The following DAAM1 variants were observed in gnomAD, a reference collection of about 807,000 sequenced individuals.
DAAM1 encodes the protein dishevelled associated activator of morphogenesis 1.
A neutral mutation model predicts 130.0 loss-of-function variants in DAAM1; 52 were observed. The observed-to-expected ratio is 0.40, with a 90% CI of 0.32 to 0.50. The LOEUF (loss-of-function observed/expected upper bound fraction) is 0.50. DAAM1 is among the 20% of genes least tolerant of loss of function. The probability of loss-of-function intolerance (pLI) is 0.61; values close to 1 mark genes in which losing one functional copy is unlikely to be tolerated. For missense variants in DAAM1, 1,134 were observed against 1,303.8 expected (o/e 0.87, Z 2.01); for synonymous variants, 452 against 444.5 (o/e 1.02, Z -0.21).
At chr14:59,282,574 A>AT (rs1426003023) in intron 2 of DAAM1, among the ~76,000 whole-genome samples, 2 of 152,092 alleles carry the variant, frequency 1.3e-5, no homozygotes, top group Non-Finnish European at 2.9e-5. Flanking sequence ...CAGTGTCGTG[A>AT]TTTTGCCTAC....
chr14:59,346,899 G>T (rs1208710544), intron 16 of DAAM1, among the ~76,000 whole-genome samples: 1 of 152,044 alleles, frequency 6.6e-6, no homozygotes, highest in Admixed American at 6.6e-5. Flanking sequence ...ACATTAACTA[G>T]ATAAGGAATA....
At position 59,244,800 on chromosome 14, in the gene DAAM1, A is replaced by G. The variant is rs144045284; in HGVS notation, c.-37-18641A>G. Among the ~76,000 whole-genome samples, 5 of 152,328 alleles carry G rather than the reference A, an allele frequency of 3.3e-5. No individual in the cohort carries two copies. In the East Asian group the frequency reaches 9.6e-4, roughly 29 times the overall value. Reference sequence around the variant, plus strand: ...TTGCTTTTCCAGTATGAGCAAGTGCAGTTGTTAACAGCATGTTTTTCCACA... The same window carrying G: ...TTGCTTTTCCAGTATGAGCAAGTGCGGTTGTTAACAGCATGTTTTTCCACA... On this transcript the variant is annotated intron_variant, in intron 1 of 24. Coordinates refer to ENST00000360909, the MANE Select transcript of DAAM1 (RefSeq NM_001270520.2).
intron 1 of DAAM1, among the ~76,000 whole-genome samples, chr14:59,190,396 G>A (rs1452278906): frequency 6.6e-6 from 1 of 152,160 alleles, no homozygotes; most frequent in Non-Finnish European, 1.5e-5. Context: ...AGTTTATGGT[G>A]TTGGAGGCAG....
At chr14:59,272,224 GA>G in intron 2 of DAAM1, among the ~76,000 whole-genome samples, 1 of 152,276 alleles carries the variant, frequency 6.6e-6, no homozygotes, top group Admixed American at 6.5e-5. Flanking sequence ...CTTAAAAAGA[GA>G]AAAGTTTTGT....
intron 4 of DAAM1, among the ~76,000 whole-genome samples, chr14:59,316,426 T>A (rs1243334875): frequency 1.3e-5 from 2 of 152,208 alleles, no homozygotes; most frequent in Non-Finnish European, 2.9e-5. Context: ...CTTTTTTAGC[T>A]TTTTTCTTAC....
rs1887156538 is a variant in DAAM1 at position 59,371,144 on chromosome 14, G to T, written c.*2285G>T. 1 of 150,684 alleles carries T rather than the reference G, an allele frequency of 6.6e-6. No individual in the cohort carries two copies. The highest frequency in any genetic ancestry group is 2.4e-5 in the African/African-American group (1 of 41,202). 9.3% of individuals were successfully genotyped at this position (150,684 alleles called of 1,614,324 possible). A position where few individuals can be genotyped will look rare whatever the true frequency, so the allele number is the denominator to read the frequency against. On this transcript the variant is annotated 3_prime_UTR_variant, in exon 25 of 25. Coordinates refer to ENST00000360909, the MANE Select transcript of DAAM1 (RefSeq NM_001270520.2). ...ACCTACTTTTTAGATTGGTGCTGGT[G>T]TAAGTAGCCACTTTTCTCTCTTGGG...
chr14:59,296,482 A>C (rs776639323), intron 3 of DAAM1, among the ~76,000 whole-genome samples: 12 of 152,218 alleles, frequency 7.9e-5, no homozygotes, highest in Non-Finnish European at 1.8e-4. Flanking sequence ...TAAAAAAATA[A>C]GCCAAATTTC....
chr14:59,340,035 C>G, intron 15 of DAAM1, 39 bp from the exon 16 acceptor site: 1 of 1,573,896 alleles, frequency 6.4e-7, no homozygotes, highest in Non-Finnish European at 8.7e-7. Context: ...CTGAATGTCC[C>G]TGTTGGACTT....
chr14:59,307,020 C>A (rs2139592764), intron 3 of DAAM1, among the ~76,000 whole-genome samples: 1 of 152,242 alleles, frequency 6.6e-6, no homozygotes, highest in Non-Finnish European at 1.5e-5. Context: ...TGCAGTGTGG[C>A]CTCTGCATTA....
chr14:59,231,321 A>G (rs1467458786), intron 1 of DAAM1, among the ~76,000 whole-genome samples: 2 of 152,164 alleles, frequency 1.3e-5, no homozygotes, highest in East Asian at 3.9e-4. Flanking sequence ...AGCACAAGAA[A>G]TATTTTACTT....
intron 1 of DAAM1, among the ~76,000 whole-genome samples, chr14:59,213,815 T>A (rs1888499471): frequency 6.6e-6 from 1 of 152,172 alleles, no homozygotes. Context: ...AGTTTATTTT[T>A]CTCCCAGAGC....
intron 16 of DAAM1, among the ~76,000 whole-genome samples, chr14:59,340,612 T>C (rs1253033): frequency 0.99 from 151,566 of 152,350 alleles, 75,396 homozygotes; most frequent in East Asian, 1. Context: ...TGATTTCATG[T>C]TCTTTTTGAG....
intron 2 of DAAM1, among the ~76,000 whole-genome samples, chr14:59,275,127 G>A (rs1449898819): frequency 6.6e-6 from 1 of 152,162 alleles, no homozygotes; most frequent in Non-Finnish European, 1.5e-5. Flanking sequence ...GTGGAACTTG[G>A]CTTCATGGTT....
At chr14:59,276,428 C>G (rs1243426616) in intron 2 of DAAM1, among the ~76,000 whole-genome samples, 6 of 152,144 alleles carry the variant, frequency 3.9e-5, no homozygotes, top group Non-Finnish European at 8.8e-5. Flanking sequence ...ATCACCATGT[C>G]ATGTGACTTG....
chr14:59,316,776 A>G (rs990518869), intron 4 of DAAM1, among the ~76,000 whole-genome samples: 4 of 152,220 alleles, frequency 2.6e-5, no homozygotes, highest in Non-Finnish European at 5.9e-5. Flanking sequence ...CCTGGCTGTT[A>G]GGAAAAAAAG....
chr14:59,301,732 C>T (rs964000685), intron 3 of DAAM1, among the ~76,000 whole-genome samples: 1 of 152,194 alleles, frequency 6.6e-6, no homozygotes, highest in South Asian at 2.1e-4. Context: ...GATTTTGAGA[C>T]TCTCTCCTCT....
intron 4 of DAAM1, among the ~76,000 whole-genome samples, chr14:59,317,390 C>T (rs2139609232): frequency 6.6e-6 from 1 of 152,224 alleles, no homozygotes. Context: ...TGATTGCCAC[C>T]ACCGCCTTGC....
chr14:59,340,484 T>C (rs1885802215), intron 16 of DAAM1, among the ~76,000 whole-genome samples: 1 of 152,230 alleles, frequency 6.6e-6, no homozygotes, highest in Non-Finnish European at 1.5e-5. Context: ...TTTACACTTC[T>C]TGGCCTTAGA....
chr14:59,281,524 T>TGGAGGAGGAGGA (rs59666401), intron 2 of DAAM1, among the ~76,000 whole-genome samples: 4 of 150,118 alleles, frequency 2.7e-5, no homozygotes, highest in Admixed American at 6.6e-5. Context: ...GTGCTGCTGT[T>TGGAGGAGGAGGA]GGAGGAGGAG....
Sources: gnomAD v4.1 joint callset for allele counts (sites outside exome capture counted in the v4.1 genomes callset) on GRCh38, gnomAD v4.1.1 for gene constraint, MANE v1.5 for transcripts, NCBI Gene and HGNC (gene_info 2026-07-23, HGNC 2026-07-21) for gene names.